KCTD16: variants seen among roughly 807,000 people sequenced by gnomAD.
KCTD16 encodes BTB/POZ domain-containing protein KCTD16.
A neutral mutation model predicts 33.2 loss-of-function variants in KCTD16; 13 were observed. The observed-to-expected ratio is 0.39, with a 90% CI of 0.25 to 0.62. KCTD16 has a LOEUF of 0.62. Among genes scored for constraint, KCTD16 ranks in the 20% least tolerant of loss-of-function variants. The pLI is 0.50. For missense variants in KCTD16, 441 were observed against 525.1 expected, an observed-to-expected ratio of 0.84 and a Z score of 1.57; for synonymous variants, 197 against 195.3, an observed-to-expected ratio of 1.01 and a Z score of -0.07.
chr5:144,450,824 T>C (rs563416290), intron 3 of KCTD16, among the ~76,000 whole-genome samples: 9 of 152,198 alleles, frequency 5.9e-5, no homozygotes, highest in African/African-American at 2.2e-4. Context: ...TGCTGCTCAA[T>C]GGGTAAAAAA....
At chr5:144,425,347 G>GCAA in intron 3 of KCTD16, among the ~76,000 whole-genome samples, 1 of 151,998 alleles carries the variant, frequency 6.6e-6, no homozygotes, top group African/African-American at 2.4e-5. Context: ...TAGCCTTGTT[G>GCAA]GGCTCATCCC....
intron 3 of KCTD16, among the ~76,000 whole-genome samples, chr5:144,431,151 C>T (rs1189255413): frequency 6.6e-6 from 1 of 152,066 alleles, no homozygotes; most frequent in Admixed American, 6.6e-5. Flanking sequence ...TAGAAAAAAA[C>T]TCATTGCATA....
intron 3 of KCTD16, among the ~76,000 whole-genome samples, chr5:144,443,953 G>A (rs913834325): frequency 3.9e-5 from 6 of 152,026 alleles, no homozygotes; most frequent in Admixed American, 3.9e-4. Flanking sequence ...TTTTTGACAT[G>A]ACTTTGGTAA....
In KCTD16 at chr5:144,286,110, ATTT is replaced by A. The variant is rs565933316; in HGVS notation, c.832+78565_832+78567del. On this transcript the variant is annotated intron_variant, in intron 3 of 3. Transcript: ENST00000512467. ...CTGAAACCGGGAGGTTTCGGGATTT[ATTT>A]GTTTTTTTCGCTTTGTTTTTAGATA... is the stretch of plus-strand genomic sequence containing the variant. Among the ~76,000 whole-genome samples the A allele has an allele frequency of 1.5e-3, 226 of 151,656 alleles. 1 individual carries two copies. Among genetic ancestry groups the A allele is most frequent in the African/African-American group, 5.2e-3 (217 of 41,334 alleles).
intron 3 of KCTD16, among the ~76,000 whole-genome samples, chr5:144,415,576 A>G (rs745559929): frequency 2.0e-5 from 3 of 152,174 alleles, no homozygotes; most frequent in African/African-American, 7.2e-5. Flanking sequence ...ATCCATAGAA[A>G]AAAGACCCAA....
At chr5:144,455,957 A>G (rs575734384) in intron 3 of KCTD16, among the ~76,000 whole-genome samples, 1 of 152,308 alleles carries the variant, frequency 6.6e-6, no homozygotes, top group South Asian at 2.1e-4. Flanking sequence ...ATAGACAGTG[A>G]GCCATTACTG....
chr5:144,428,237 A>T (rs2126967227), intron 3 of KCTD16, among the ~76,000 whole-genome samples: 1 of 152,300 alleles, frequency 6.6e-6, no homozygotes, highest in Admixed American at 6.5e-5. Flanking sequence ...TAAAATGGTG[A>T]TAAGCCATTC....
intron 3 of KCTD16, among the ~76,000 whole-genome samples, chr5:144,344,037 C>A (rs1433734516): frequency 6.6e-6 from 1 of 152,078 alleles, no homozygotes; most frequent in South Asian, 2.1e-4. Context: ...CAGAACAGAG[C>A]CCTCAGAAAT....
intron 3 of KCTD16, among the ~76,000 whole-genome samples, chr5:144,350,789 C>G (rs748726143): frequency 6.7e-6 from 1 of 150,118 alleles, no homozygotes; most frequent in Non-Finnish European, 1.5e-5. Context: ...TTTTCTCTCT[C>G]TCTTTACTCT....
intron 3 of KCTD16, among the ~76,000 whole-genome samples, chr5:144,471,370 C>A (rs116579548): frequency 1.3e-5 from 2 of 152,154 alleles, no homozygotes; most frequent in African/African-American, 2.4e-5. Flanking sequence ...TGTAATCTTG[C>A]TTTAAGGTAA....
chr5:144,394,267 T>C (rs1752516387), intron 3 of KCTD16, among the ~76,000 whole-genome samples: 1 of 152,182 alleles, frequency 6.6e-6, no homozygotes, highest in Admixed American at 6.5e-5. Context: ...CTTTTCAATA[T>C]ACTTTTTTTT....
At chr5:144,411,873 A>T (rs190217830) in intron 3 of KCTD16, among the ~76,000 whole-genome samples, 105 of 152,332 alleles carry the variant, frequency 6.9e-4, no homozygotes, top group Non-Finnish European at 1.0e-3. Context: ...ATCTGAATAG[A>T]TGTTCCTCAA....
intron 3 of KCTD16, among the ~76,000 whole-genome samples, chr5:144,227,208 G>A (rs1468479161): frequency 1.3e-5 from 2 of 152,226 alleles, no homozygotes; most frequent in African/African-American, 2.4e-5. Flanking sequence ...GTTTAGGGAT[G>A]TGTGTTGGAA....
chr5:144,447,059 A>G (rs1753835329), intron 3 of KCTD16, among the ~76,000 whole-genome samples: 1 of 152,208 alleles, frequency 6.6e-6, no homozygotes, highest in Non-Finnish European at 1.5e-5. Flanking sequence ...ATTACTGAGT[A>G]TATACCCAAA....
intron 3 of KCTD16, among the ~76,000 whole-genome samples, chr5:144,397,708 A>G (rs1752606094): frequency 6.6e-6 from 1 of 152,136 alleles, no homozygotes; most frequent in Non-Finnish European, 1.5e-5. Context: ...ATATGGAGCC[A>G]AAAAAGAGCC....
rs553319153 is a variant in KCTD16, at chr5:144,317,393, G to GGAAATC, written c.832+109848_832+109853dup. On this transcript the variant is annotated intron_variant, in intron 3 of 3. Transcript: ENST00000512467. ...TGTGGTCTATATACCACCTGCTATC[G>GGAAATC]GAAATCACCTAGCTACTTATTCAAC... 2.0e-5 allele frequency among the ~76,000 whole-genome samples: 3 copies of GGAAATC among 152,160 alleles called. No individual in the cohort carries two copies. In the South Asian group the frequency reaches 6.2e-4, roughly 32 times the overall value.
chr5:144,420,885 G>T (rs1327608771), intron 3 of KCTD16, among the ~76,000 whole-genome samples: 1 of 152,160 alleles, frequency 6.6e-6, no homozygotes, highest in Non-Finnish European at 1.5e-5. Context: ...CATTGGTTTG[G>T]ATTGCCCTCC....
chr5:144,421,465 T>A (rs992652741), intron 3 of KCTD16, among the ~76,000 whole-genome samples: 1 of 152,086 alleles, frequency 6.6e-6, no homozygotes, highest in Non-Finnish European at 1.5e-5. Context: ...AGGAAGAATA[T>A]TTTTGTGCGT....
intron 3 of KCTD16, among the ~76,000 whole-genome samples, chr5:144,471,158 G>T (rs1479702692): frequency 6.6e-6 from 1 of 152,132 alleles, no homozygotes; most frequent in African/African-American, 2.4e-5. Flanking sequence ...ACTCCAGCCT[G>T]GGCGATAGAG....
Sources: allele counts gnomAD v4.1 joint callset (sites outside exome capture counted in the v4.1 genomes callset), GRCh38; gene constraint gnomAD v4.1.1; transcripts MANE v1.5; gene names NCBI Gene and HGNC (gene_info 2026-07-23, HGNC 2026-07-21).